KLHL29: variants seen among roughly 807,000 people sequenced by gnomAD.
KLHL29 encodes kelch-like protein 29.
A neutral mutation model predicts 80.4 loss-of-function variants in KLHL29; 21 were observed. The ratio of observed to expected loss-of-function variants is 0.26; its 90% CI spans 0.19 to 0.38. The LOEUF (loss-of-function observed/expected upper bound fraction) is 0.38, where lower values mean the gene tolerates loss of function less well. Ranked by LOEUF, KLHL29 falls within the 10% of genes least tolerant of loss-of-function variation. The probability of loss-of-function intolerance (pLI) is 1.00; values close to 1 mark genes in which losing one functional copy is unlikely to be tolerated. For missense variants in KLHL29, 867 were observed against 1,223.9 expected, an observed-to-expected ratio of 0.71 and a Z score of 4.35; for synonymous variants, 511 against 526.8, an observed-to-expected ratio of 0.97 and a Z score of 0.41.
chr2:23,618,782 A>T (rs1214766152), intron 3 of KLHL29, among the ~76,000 whole-genome samples: 2 of 152,194 alleles, frequency 1.3e-5, no homozygotes, highest in Non-Finnish European at 2.9e-5. Context: ...CCATTAAGGC[A>T]GGGGTTGAAA....
At chr2:23,586,144 G>A (rs557037062) in intron 3 of KLHL29, among the ~76,000 whole-genome samples, 1 of 152,180 alleles carries the variant, frequency 6.6e-6, no homozygotes, top group South Asian at 2.1e-4. Context: ...TAAATGGAGT[G>A]TGACCTCAGA....
chr2:23,600,028 C>A (rs904155597), intron 3 of KLHL29, among the ~76,000 whole-genome samples: 1 of 152,142 alleles, frequency 6.6e-6, no homozygotes, highest in Non-Finnish European at 1.5e-5. Flanking sequence ...GAAGCTTGCT[C>A]CCTGTTTAAA....
At chr2:23,424,426 T>C (rs1662949602) in intron 1 of KLHL29, among the ~76,000 whole-genome samples, 1 of 152,238 alleles carries the variant, frequency 6.6e-6, no homozygotes, top group South Asian at 2.1e-4. Context: ...ATTGTTTCTA[T>C]TATTTGTCAT....
chr2:23,486,311 G>A (rs776799654), intron 2 of KLHL29, among the ~76,000 whole-genome samples: 1 of 152,080 alleles, frequency 6.6e-6, no homozygotes, highest in Non-Finnish European at 1.5e-5. Context: ...GTGTCCAGCA[G>A]CCCAAACCTG....
At chr2:23,465,359 G>A (rs886599347) in intron 1 of KLHL29, among the ~76,000 whole-genome samples, 2 of 152,194 alleles carry the variant, frequency 1.3e-5, no homozygotes, top group Admixed American at 6.5e-5. Context: ...ACCTGCTCAC[G>A]CCTCTCACCT....
chr2:23,597,962 G>C (rs561980487), intron 3 of KLHL29, among the ~76,000 whole-genome samples: 2 of 152,158 alleles, frequency 1.3e-5, no homozygotes, highest in Non-Finnish European at 2.9e-5. Context: ...TCTGGAGCTG[G>C]TGCCAGGAGT....
intron 3 of KLHL29, among the ~76,000 whole-genome samples, chr2:23,615,428 G>C (rs1016116645): frequency 2.0e-5 from 3 of 152,198 alleles, no homozygotes; most frequent in Non-Finnish European, 2.9e-5. Flanking sequence ...TCTGGGGCCA[G>C]AGAACAAGTC....
chr2:23,414,458 C>T (rs995774705), intron 1 of KLHL29, among the ~76,000 whole-genome samples: 1 of 152,192 alleles, frequency 6.6e-6, no homozygotes, highest in East Asian at 1.9e-4. Flanking sequence ...GTAGGAGAGA[C>T]CCCCAGTGGC....
chr2:23,411,557 G>A (rs979346588), intron 1 of KLHL29, among the ~76,000 whole-genome samples: 9 of 152,106 alleles, frequency 5.9e-5, no homozygotes, highest in African/African-American at 1.2e-4. Flanking sequence ...TTGTGAGGTC[G>A]GCCAGATTTC....
At chr2:23,419,212 A>G (rs950850509) in intron 1 of KLHL29, among the ~76,000 whole-genome samples, 4 of 152,250 alleles carry the variant, frequency 2.6e-5, no homozygotes, top group African/African-American at 4.8e-5. Context: ...TTTGTGACTT[A>G]TAATTTTGAA....
chr2:23,609,827 G>A (rs1481305963), intron 3 of KLHL29, among the ~76,000 whole-genome samples: 2 of 152,090 alleles, frequency 1.3e-5, no homozygotes, highest in African/African-American at 4.8e-5. Context: ...GACACAAAGA[G>A]ATTAAATAGT....
Position 23,607,554 on chromosome 2 carries a change from T to G in KLHL29, c.286-31585T>G, listed in dbSNP as rs536833057. Among the ~76,000 whole-genome samples, 14 of 152,306 alleles carry G rather than the reference T, an allele frequency of 9.2e-5. No individual in the cohort carries two copies. In the East Asian group the frequency reaches 9.6e-4, roughly 10 times the overall value. ...TTATACATATTTGGGACTACATTCT[T>G]TAGAGCAGGGGTCACCCACCCCCAC... On this transcript the variant is annotated intron_variant, in intron 3 of 13. Transcript: ENST00000486442.
At chr2:23,571,604 T>C (rs969849978) in intron 3 of KLHL29, among the ~76,000 whole-genome samples, 6 of 152,198 alleles carry the variant, frequency 3.9e-5, no homozygotes, top group African/African-American at 1.2e-4. Context: ...TAATCCTGCC[T>C]GGGGCTTCTG....
intron 3 of KLHL29, among the ~76,000 whole-genome samples, chr2:23,584,778 C>A (rs1668075641): frequency 6.6e-6 from 1 of 152,084 alleles, no homozygotes; most frequent in Non-Finnish European, 1.5e-5. Flanking sequence ...GCTATGTTGC[C>A]CAGGCCGGAG....
intron 1 of KLHL29, among the ~76,000 whole-genome samples, chr2:23,449,319 A>G (rs1663798989): frequency 6.6e-6 from 1 of 152,320 alleles, no homozygotes; most frequent in South Asian, 2.1e-4. Flanking sequence ...GACTGGTTGT[A>G]TCCATTACCC....
intron 5 of KLHL29, among the ~76,000 whole-genome samples, chr2:23,649,200 C>A (rs1670020676): frequency 6.6e-6 from 1 of 152,174 alleles, no homozygotes; most frequent in South Asian, 2.1e-4. Flanking sequence ...TGAAACCAAA[C>A]CCCCATCCCA....
intron 2 of KLHL29, among the ~76,000 whole-genome samples, chr2:23,517,264 G>C (rs1407713702): frequency 6.6e-6 from 1 of 152,218 alleles, no homozygotes; most frequent in Admixed American, 6.5e-5. Flanking sequence ...ACCTAACTAG[G>C]CTGGGCGCGG....
At chr2:23,403,186 G>A (rs1466102320) in intron 1 of KLHL29, among the ~76,000 whole-genome samples, 1 of 151,888 alleles carries the variant, frequency 6.6e-6, no homozygotes, top group Non-Finnish European at 1.5e-5. Context: ...ACCTAACAAG[G>A]CAAAAGAATT....
At chr2:23,678,290 C>T (rs1670976499) in intron 5 of KLHL29, among the ~76,000 whole-genome samples, 1 of 152,222 alleles carries the variant, frequency 6.6e-6, no homozygotes, top group Admixed American at 6.5e-5. Flanking sequence ...AGCCATTTTA[C>T]ACTCACCACT....
Sources: allele counts gnomAD v4.1 joint callset (sites outside exome capture counted in the v4.1 genomes callset), GRCh38; gene constraint gnomAD v4.1.1; transcripts MANE v1.5; gene names NCBI Gene and HGNC (gene_info 2026-07-23, HGNC 2026-07-21).